The following HYDIN variants were observed in gnomAD, a reference collection of about 807,000 sequenced individuals.
HYDIN encodes the protein HYDIN axonemal central pair apparatus protein, also known as axonemal central pair apparatus protein HYDIN.
Under a neutral mutation model 403.9 loss-of-function variants are expected in HYDIN, and 132 were observed. That is an observed-to-expected ratio of 0.33 (90% CI 0.28 to 0.38). HYDIN has a LOEUF of 0.38. Among genes scored for constraint, HYDIN ranks in the 10% least tolerant of loss-of-function variants. The pLI is 1.00. For synonymous variants in HYDIN, 1,202 were observed against 1,891.7 expected, an observed-to-expected ratio of 0.64 and a Z score of 9.46; for missense variants, 2,827 against 5,009.5, an observed-to-expected ratio of 0.56 and a Z score of 13.15.
intron 10 of HYDIN, among the ~76,000 whole-genome samples, chr16:71,110,446 AT>A (rs1240844840): frequency 7.0e-6 from 1 of 142,276 alleles, no homozygotes; most frequent in Non-Finnish European, 1.5e-5. Flanking sequence ...TATAAATAAT[AT>A]AATATATAAA....
intron 42 of HYDIN, among the ~76,000 whole-genome samples, chr16:70,942,166 A>C (rs934532789): frequency 2.0e-5 from 3 of 150,894 alleles, no homozygotes; most frequent in African/African-American, 7.3e-5. Flanking sequence ...CTGGGATTAC[A>C]GGTGCCCACC....
At position 71,152,971 on chromosome 16, in the gene HYDIN, C is replaced by T; in HGVS notation, c.717-188G>A. On this transcript the variant is annotated intron_variant, in intron 6 of 85. Transcript: ENST00000393567. ...TTTAGTTTTAATGTTAAAATGACAG[C>T]ATTAGATTAGCAAGCGTAAGGGCAA... is the stretch of plus-strand genomic sequence containing the variant. The T allele has an allele frequency of 7.7e-6, 4 of 517,546 alleles. No individual in the cohort carries two copies. The Admixed American group carries it at 9.9e-5, about 13-fold the overall frequency. The allele number at this position is 517,546 out of a possible 1,614,324, so 32.1% of individuals were successfully genotyped here.
intron 84 of HYDIN, among the ~76,000 whole-genome samples, chr16:70,811,682 A>G (rs926401618): frequency 3.3e-5 from 5 of 150,748 alleles, no homozygotes; most frequent in African/African-American, 1.2e-4. Flanking sequence ...ACATGGAGAA[A>G]CCCCGTCTCT....
chr16:71,040,176 C>A, intron 18 of HYDIN, among the ~76,000 whole-genome samples: 1 of 152,132 alleles, frequency 6.6e-6, no homozygotes, highest in African/African-American at 2.4e-5. Context: ...CTTGCTGGTG[C>A]CGATGCGGTT....
chr16:71,019,424 G>A (rs2080389149), intron 22 of HYDIN, among the ~76,000 whole-genome samples: 1 of 152,290 alleles, frequency 6.6e-6, no homozygotes, highest in South Asian at 2.1e-4. Flanking sequence ...TGATTCAACA[G>A]TCAGAGAGAG....
intron 71 of HYDIN, among the ~76,000 whole-genome samples, chr16:70,859,732 T>A (rs1194185292): frequency 6.6e-6 from 1 of 152,178 alleles, no homozygotes; most frequent in Non-Finnish European, 1.5e-5. Context: ...TTTTGGTCCT[T>A]TTGACAAAGA....
At chr16:70,971,600 A>C (rs1295607494) in intron 35 of HYDIN, among the ~76,000 whole-genome samples, 1 of 152,104 alleles carries the variant, frequency 6.6e-6, no homozygotes, top group Non-Finnish European at 1.5e-5. Context: ...TTTGAGAGGA[A>C]ATTACGCAAA....
intron 14 of HYDIN, among the ~76,000 whole-genome samples, chr16:71,067,592 A>ATGGCT (rs977767739): frequency 2.7e-5 from 4 of 150,648 alleles, no homozygotes; most frequent in African/African-American, 9.7e-5. Flanking sequence ...TAGAAACCAA[A>ATGGCT]TGGCTGTTAG....
intron 41 of HYDIN, among the ~76,000 whole-genome samples, chr16:70,944,538 G>A (rs1221792331): frequency 3.3e-5 from 5 of 152,132 alleles, no homozygotes; most frequent in African/African-American, 1.2e-4. Context: ...CAACGCAAGT[G>A]TGCTCGGGGA....
intron 71 of HYDIN, among the ~76,000 whole-genome samples, chr16:70,859,728 T>C (rs2039284335): frequency 6.6e-6 from 1 of 152,170 alleles, no homozygotes; most frequent in African/African-American, 2.4e-5. Flanking sequence ...CCATTTTTGG[T>C]CCTTTTGACA....
intron 23 of HYDIN, among the ~76,000 whole-genome samples, chr16:71,011,150 T>A (rs894895349): frequency 1.6e-4 from 25 of 152,166 alleles, no homozygotes; most frequent in Admixed American, 1.2e-3. Context: ...TAGCAGCATT[T>A]GGTACAAAGG....
chr16:70,887,017 C>T (rs1263658690), intron 58 of HYDIN, among the ~76,000 whole-genome samples: 5 of 152,300 alleles, frequency 3.3e-5, no homozygotes, highest in Non-Finnish European at 5.9e-5. Context: ...CTTTCTGGAA[C>T]TCCAATGACA....
intron 42 of HYDIN, among the ~76,000 whole-genome samples, chr16:70,942,044 T>C (rs1327403372): frequency 4.5e-5 from 6 of 134,356 alleles, no homozygotes; most frequent in Non-Finnish European, 7.7e-5. Flanking sequence ...TGAGACAGAG[T>C]CTCCCTCGGT....
At chr16:70,954,734 A>G (rs1212888064) in intron 40 of HYDIN, among the ~76,000 whole-genome samples, 1 of 152,198 alleles carries the variant, frequency 6.6e-6, no homozygotes, top group Non-Finnish European at 1.5e-5. Context: ...ATGATAGTCA[A>G]GGGCTACCTT....
chr16:70,888,730 C>T (rs1774340), intron 58 of HYDIN, among the ~76,000 whole-genome samples: 23 of 151,994 alleles, frequency 1.5e-4, no homozygotes, highest in African/African-American at 5.1e-4. Flanking sequence ...CGACCTTCTC[C>T]GACGCCACCC....
intron 30 of HYDIN, among the ~76,000 whole-genome samples, chr16:70,977,920 T>C (rs2078933946): frequency 6.6e-6 from 1 of 151,820 alleles, no homozygotes; most frequent in African/African-American, 2.4e-5. Flanking sequence ...CCTTTTTTCC[T>C]GCTCACTAGA....
rs1405203799 is a variant in HYDIN, at chr16:71,064,714, G to T, written c.2202C>A (p.Val734=). Residue 734 remains valine, a synonymous_variant, in exon 16 of 86, where the codon GTC becomes GTA. Coordinates refer to ENST00000393567, the MANE Select transcript of HYDIN (RefSeq NM_001270974.2). ...GGAGAAAGGAACTCACCTGAGGCTG[G>T]ACCTCATAGAATCCTGGGAGGTCAT... ...NQDDLPGFYE[V]QPQVCEEVPT... 6.2e-7 allele frequency: 1 copy of T among 1,613,810 alleles called. No individual in the cohort carries two copies.
chr16:71,184,350 G>A (rs1212378515), intron 3 of HYDIN, among the ~76,000 whole-genome samples: 1 of 152,048 alleles, frequency 6.6e-6, no homozygotes, highest in African/African-American at 2.4e-5. Context: ...ATAATCACAT[G>A]CTCCTAAAGC....
chr16:71,141,281 G>T (rs2085159504), intron 7 of HYDIN, among the ~76,000 whole-genome samples: 1 of 149,140 alleles, frequency 6.7e-6, no homozygotes, highest in African/African-American at 2.5e-5. Context: ...CAACTTCATA[G>T]CCATATGAAA....
Sources: allele counts gnomAD v4.1 joint callset (sites outside exome capture counted in the v4.1 genomes callset), GRCh38; gene constraint gnomAD v4.1.1; transcripts MANE v1.5; gene names NCBI Gene and HGNC (gene_info 2026-07-23, HGNC 2026-07-21).